Variants in STUM observed in about 807,000 individuals in gnomAD.
The protein encoded by STUM is protein stum homolog.
A neutral mutation model predicts 15.3 loss-of-function variants in STUM; 8 were observed. The ratio of observed to expected loss-of-function variants is 0.52; its 90% confidence interval spans 0.31 to 0.94. STUM has a LOEUF of 0.94. Among genes scored for constraint, STUM ranks in the 40% least tolerant of loss-of-function variants. The pLI, the probability that STUM is intolerant of heterozygous loss-of-function variation, is 0.05. For synonymous variants in STUM, 78 were observed against 88.7 expected (o/e 0.88, Z 0.68); for missense variants, 142 against 204.9 (o/e 0.69, Z 1.87).
intron 1 of STUM, among the ~76,000 whole-genome samples, chr1:226,554,343 A>C (rs1667416220): frequency 6.6e-6 from 1 of 152,240 alleles, no homozygotes; most frequent in African/African-American, 2.4e-5. Context: ...GACATATGCA[A>C]AGCTGACTAA....
rs1667339422 is a variant in STUM at position 226,549,757 on chromosome 1, A to T, written c.202+651A>T. Reference sequence around the variant, plus strand: ...TTTATTAGTTTGGATGCATGTGGCCAGAGATGAACCCATAGCTCCCTCGGA... The same window carrying T: ...TTTATTAGTTTGGATGCATGTGGCCTGAGATGAACCCATAGCTCCCTCGGA... On this transcript the variant is annotated intron_variant, in intron 1 of 3. Coordinates refer to ENST00000366788, the MANE Select transcript of STUM (RefSeq NM_001003665.4). The surrounding 1 kb of genome is among the most constrained non-coding windows in gnomAD (Gnocchi z 6.8). Among the ~76,000 whole-genome samples, 1 of 152,210 alleles carries T rather than the reference A, an allele frequency of 6.6e-6. No individual in the cohort carries two copies. The highest frequency in any genetic ancestry group is 6.5e-5 in the Admixed American group (1 of 15,282).
At chr1:226,595,834 C>T (rs1161197093) in intron 1 of STUM, among the ~76,000 whole-genome samples, 2 of 152,198 alleles carry the variant, frequency 1.3e-5, no homozygotes, top group South Asian at 2.1e-4. Context: ...AGTAGATTTT[C>T]CCCTGGAGCC....
rs1668331273 is a variant in STUM, at chr1:226,604,790, T to G, written c.*2750T>G. 6.6e-6 allele frequency: 1 copy of G among 152,360 alleles called. No homozygotes were observed. The highest frequency in any genetic ancestry group is 1.5e-5 in the Non-Finnish European group (1 of 68,160). 9.4% of individuals were successfully genotyped at this position (152,360 alleles called of 1,614,324 possible). ...TTGGTTCAGAGGCTGCAGGGCACAT[T>G]CCAGGTTGGGGCCTTTTGTCGGTCG... is the stretch of plus-strand genomic sequence containing the variant. On this transcript the variant is annotated 3_prime_UTR_variant, in exon 4 of 4. Transcript: ENST00000366788. This position sits in a 1 kb window ranked among gnomAD's most constrained non-coding sequence, Gnocchi z 4.7.
rs1055118333 is a variant in STUM at position 226,605,636 on chromosome 1, G to T, written c.*3596G>T. 6.6e-6 allele frequency: 1 copy of T among 152,288 alleles called. No individual in the cohort carries two copies. The highest frequency in any genetic ancestry group is 1.5e-5 in the Non-Finnish European group (1 of 68,018). 9.4% of individuals were successfully genotyped at this position (152,288 alleles called of 1,614,324 possible). On this transcript the variant is annotated 3_prime_UTR_variant, in exon 4 of 4. Transcript: ENST00000366788. The surrounding 1 kb of genome is among the most constrained non-coding windows in gnomAD (Gnocchi z 4.0). ...CCCCCACCCCAAGCTGGGAAAATAA[G>T]CTTCTCCCTCCCATATGTGGGGGCG... is the stretch of plus-strand genomic sequence containing the variant.
Position 226,602,020 on chromosome 1 carries a change from G to T in STUM, c.406G>T (p.Gly136Cys). ...LAISQGYKEQGIPQQL is the reference protein window; with the variant it reads ...LAISQGYKEQCIPQQL ...CTTCCTCACAGGCTACAAGGAGCAG[G>T]GCATCCCACAGCAGCTGTGAGCCCA... Residue 136 changes from glycine (G) to cysteine (C), a missense_variant, in exon 4 of 4, where the codon GGC becomes TGC. Physicochemically the swap from Gly to Cys is radical, Grantham distance 159. Around this residue, in one of 2 missense-constraint regions of STUM, gnomAD observed 29 missense variants for 70.5 expected, o/e 0.41. Transcript: ENST00000366788. The T allele has an allele frequency of 6.2e-7, 1 of 1,608,918 alleles. No individual in the cohort carries two copies. Among genetic ancestry groups the T allele is most frequent in the African/African-American group, 1.3e-5 (1 of 75,056 alleles).
chr1:226,586,505 A>G lies in STUM; in HGVS notation c.203-10297A>G, dbSNP rs537928225. Among the ~76,000 whole-genome samples the G allele has an allele frequency of 2.0e-3, 306 of 152,266 alleles. 1 individual carries two copies. Among genetic ancestry groups the G allele is most frequent in the African/African-American group, 7.0e-3 (289 of 41,546 alleles). ...CTGCATGTCTCATGTCTCATGTCTT[A>G]GCCTGTGGATTAGTGGCACCATTAT... On this transcript the variant is annotated intron_variant, in intron 1 of 3. Coordinates refer to ENST00000366788, the MANE Select transcript of STUM (RefSeq NM_001003665.4).
chr1:226,588,365 C>T (rs374331178), intron 1 of STUM, among the ~76,000 whole-genome samples: 21 of 152,318 alleles, frequency 1.4e-4, no homozygotes, highest in East Asian at 1.2e-3. Flanking sequence ...CTGGAGTGGC[C>T]GAGCTGAAAG....
At chr1:226,592,255 C>A (rs1009936345) in intron 1 of STUM, among the ~76,000 whole-genome samples, 1 of 152,204 alleles carries the variant, frequency 6.6e-6, no homozygotes, top group Non-Finnish European at 1.5e-5. Context: ...ATCATGCTGG[C>A]CAGGCTGGTC....
intron 1 of STUM, among the ~76,000 whole-genome samples, chr1:226,554,820 T>C (rs1260431469): frequency 6.6e-6 from 1 of 152,228 alleles, no homozygotes; most frequent in African/African-American, 2.4e-5. Context: ...CTTTGCTCCC[T>C]TTCACCGCAA....
chr1:226,600,704 G>T lies in STUM; in HGVS notation c.391+30G>T, dbSNP rs763845118. On this transcript the variant is annotated intron_variant, in intron 3 of 3. Transcript: ENST00000366788. This position sits in a 1 kb window ranked among gnomAD's most constrained non-coding sequence, Gnocchi z 5.2. ...GTCTGCGGATGGACGTGCGGGCCTC[G>T]TGCTGCTGCTTGGGGCCCTCCCCTC... The T allele has an allele frequency of 6.2e-7, 1 of 1,609,064 alleles. No individual in the cohort carries two copies.
At chr1:226,571,801 A>G (rs1151811) in intron 1 of STUM, among the ~76,000 whole-genome samples, 139,564 of 152,142 alleles carry the variant, frequency 0.92, 64,064 homozygotes, top group African/African-American at 0.96. Flanking sequence ...CACCACCCTC[A>G]GCTAATTTTT....
chr1:226,568,109 G>C (rs1667651973), intron 1 of STUM, among the ~76,000 whole-genome samples: 1 of 152,202 alleles, frequency 6.6e-6, no homozygotes, highest in Admixed American at 6.5e-5. Flanking sequence ...CAGAGCACCA[G>C]CTCCACTATG....
At chr1:226,554,974 A>G (rs1667423319) in intron 1 of STUM, among the ~76,000 whole-genome samples, 1 of 152,098 alleles carries the variant, frequency 6.6e-6, no homozygotes, top group Non-Finnish European at 1.5e-5. Flanking sequence ...CAGGTTGCTA[A>G]ATCCAGTGGC....
intron 1 of STUM, among the ~76,000 whole-genome samples, chr1:226,558,379 G>A (rs989979729): frequency 2.0e-5 from 3 of 152,156 alleles, no homozygotes; most frequent in African/African-American, 7.2e-5. Flanking sequence ...GCAACTGGGG[G>A]TGGACAGGGT....
In STUM at chr1:226,561,397, T is replaced by C. The variant is rs114680956; in HGVS notation, c.202+12291T>C. On this transcript the variant is annotated intron_variant, in intron 1 of 3. Transcript: ENST00000366788. ...AGACACAGGCTTTCCTGTCACTTCT[T>C]GGCCTTCCTAGCTCAGAGTTCTCAG... Among the ~76,000 whole-genome samples the C allele has an allele frequency of 3.9e-3, 588 of 152,300 alleles. 5 individuals carry two copies. The highest frequency in any genetic ancestry group is 0.013 in the African/African-American group (555 of 41,562).
intron 1 of STUM, among the ~76,000 whole-genome samples, chr1:226,557,706 A>T (rs976095530): frequency 6.6e-6 from 1 of 152,276 alleles, no homozygotes; most frequent in Non-Finnish European, 1.5e-5. Flanking sequence ...TTATAGGCCC[A>T]TATCCTTAAT....
At chr1:226,591,257 A>T (rs1317567474) in intron 1 of STUM, among the ~76,000 whole-genome samples, 1 of 152,210 alleles carries the variant, frequency 6.6e-6, no homozygotes, top group Non-Finnish European at 1.5e-5. Context: ...ACCTGTTGTC[A>T]TAGTTTCCTT....
At position 226,557,264 on chromosome 1, in the gene STUM, A is replaced by G. The variant is rs1267121188; in HGVS notation, c.202+8158A>G. 2.6e-5 allele frequency among the ~76,000 whole-genome samples: 4 copies of G among 152,306 alleles called. No individual in the cohort carries two copies. The East Asian group carries it at 7.7e-4, about 29-fold the overall frequency. ...TGCCTGACTTATTTCACTTAGCAAT[A>G]ATGTTTTTCAGTTCCATTCATGTTG... On this transcript the variant is annotated intron_variant, in intron 1 of 3. Transcript: ENST00000366788.
At chr1:226,562,525 A>G (rs141595831) in intron 1 of STUM, among the ~76,000 whole-genome samples, 26 of 152,268 alleles carry the variant, frequency 1.7e-4, no homozygotes, top group Admixed American at 4.6e-4. Context: ...GCTGTTAAAA[A>G]TTAACATCAT....
Sources: gnomAD v4.1 joint callset for allele counts (sites outside exome capture counted in the v4.1 genomes callset) on GRCh38, gnomAD v4.1.1 for gene constraint, gnomAD v4.1.1 regional missense constraint, Gnocchi (gnomAD v3.1) non-coding constraint, MANE v1.5 for transcripts, NCBI Gene and HGNC (gene_info 2026-07-23, HGNC 2026-07-21) for gene names.